The following DIP2B variants were observed in gnomAD, a reference collection of about 807,000 sequenced individuals.
DIP2B encodes the protein disco-interacting protein 2 homolog B.
In DIP2B, 76 loss-of-function variants were observed where a neutral mutation model predicts 198.0. That is an observed-to-expected ratio of 0.38 (90% CI 0.32 to 0.46). DIP2B has a LOEUF of 0.46. DIP2B is among the 20% of genes least tolerant of loss of function. The pLI is 0.99. For missense variants in DIP2B, 1,559 were observed against 1,978.4 expected (o/e 0.79, Z 4.02); for synonymous variants, 701 against 739.1 (o/e 0.95, Z 0.84).
At position 50,745,490 on chromosome 12, in the gene DIP2B, A is replaced by G. The variant is rs1428900346; in HGVS notation, c.*651A>G. On this transcript the variant is annotated 3_prime_UTR_variant, in exon 38 of 38. Coordinates refer to ENST00000301180, the MANE Select transcript of DIP2B (RefSeq NM_173602.3). ...GTAGAAACATTTCTACTTTGAGAGA[A>G]TTTCAATATTCTCTTAATGTTGTGT... is the stretch of plus-strand genomic sequence containing the variant. 1 of 152,498 alleles carries G rather than the reference A, an allele frequency of 6.6e-6. No individual in the cohort carries two copies. Among genetic ancestry groups the G allele is most frequent in the African/African-American group, 2.4e-5 (1 of 41,468 alleles). The allele number at this position is 152,498 out of a possible 1,614,324, so 9.4% of individuals were successfully genotyped here.
intron 1 of DIP2B, among the ~76,000 whole-genome samples, chr12:50,596,081 C>T (rs1958876275): frequency 6.6e-6 from 1 of 152,214 alleles, no homozygotes; most frequent in East Asian, 1.9e-4. Flanking sequence ...CTGAGAAGTC[C>T]ATGGCTGTAA....
At position 50,708,616 on chromosome 12, in the gene DIP2B, A is replaced by G. The variant is rs1404480286; in HGVS notation, c.2649+54A>G. The G allele has an allele frequency of 5.7e-6, 8 of 1,415,560 alleles. No individual in the cohort carries two copies. The Admixed American group carries it at 9.9e-5, about 17-fold the overall frequency. The allele number at this position is 1,415,560 out of a possible 1,614,324, so 87.7% of individuals were successfully genotyped here. ...TCAGCGGTGGCAGCAACCACTGCCT[A>G]AGCATTTCATTTTCTTCGATCAGCC... On this transcript the variant is annotated intron_variant, in intron 22 of 37. Transcript: ENST00000301180.
At chr12:50,615,411 T>C (rs1462739798) in intron 1 of DIP2B, among the ~76,000 whole-genome samples, 1 of 152,200 alleles carries the variant, frequency 6.6e-6, no homozygotes, top group Non-Finnish European at 1.5e-5. Context: ...ATTTGTATAC[T>C]CCTCTTTGAG....
intron 3 of DIP2B, among the ~76,000 whole-genome samples, chr12:50,645,547 T>C (rs1464015974): frequency 6.6e-6 from 1 of 151,050 alleles, no homozygotes; most frequent in African/African-American, 2.4e-5. Flanking sequence ...AGCTTCTAAC[T>C]CCTGGGTTCA....
At chr12:50,519,744 TA>T (rs1958098652) in intron 1 of DIP2B, among the ~76,000 whole-genome samples, 1 of 152,004 alleles carries the variant, frequency 6.6e-6, no homozygotes, top group Non-Finnish European at 1.5e-5. Context: ...ATGTAAAAAT[TA>T]ATGTATAAAT....
In DIP2B at chr12:50,671,225, G is replaced by T; in HGVS notation, c.467G>T (p.Arg156Leu). The change falls in exon 5 of 38, where the codon CGC (arginine) becomes CTC (leucine). Residue 156 changes from arginine to leucine, a missense_variant. By Grantham distance (102) the Arg-to-Leu change is moderately radical. Coordinates refer to ENST00000301180, the MANE Select transcript of DIP2B (RefSeq NM_173602.3). Reference protein sequence around the residue: ...SASEDEGSLRRQAALSAALQQ... With the variant: ...SASEDEGSLRLQAALSAALQQ... ...TCTGAGGATGAGGGCTCTCTGAGAC[G>T]CCAAGCTGCGCTCTCTGCTGCCTTG... 2.5e-6 allele frequency: 4 copies of T among 1,614,108 alleles called. No homozygotes were observed. Among genetic ancestry groups the T allele is most frequent in the Non-Finnish European group, 3.4e-6 (4 of 1,180,020 alleles).
At chr12:50,639,436 A>G (rs1160049574) in intron 2 of DIP2B, among the ~76,000 whole-genome samples, 8 of 151,628 alleles carry the variant, frequency 5.3e-5, no homozygotes, top group Non-Finnish European at 8.8e-5. Context: ...GCCTCAACAC[A>G]TGGCCTTTCC....
chr12:50,664,391 T>A (rs548925578), intron 4 of DIP2B, among the ~76,000 whole-genome samples: 6 of 152,344 alleles, frequency 3.9e-5, no homozygotes, highest in African/African-American at 9.6e-5. Flanking sequence ...AAAATTTAAA[T>A]TCTCTAAATT....
At chr12:50,524,293 A>G (rs2139355822) in intron 1 of DIP2B, among the ~76,000 whole-genome samples, 2 of 152,258 alleles carry the variant, frequency 1.3e-5, no homozygotes, top group African/African-American at 4.8e-5. Context: ...CATTTTCCAC[A>G]TAGCAGGTAG....
At chr12:50,603,206 A>C (rs1958953723) in intron 1 of DIP2B, among the ~76,000 whole-genome samples, 2 of 151,912 alleles carry the variant, frequency 1.3e-5, no homozygotes, top group African/African-American at 4.8e-5. Context: ...ATTCACACAT[A>C]ACTATTTTTT....
chr12:50,615,392 G>C (rs1371371094), intron 1 of DIP2B, among the ~76,000 whole-genome samples: 2 of 151,820 alleles, frequency 1.3e-5, no homozygotes, highest in Non-Finnish European at 2.9e-5. Flanking sequence ...GCTCATTTCT[G>C]GTTTAGATAT....
At chr12:50,599,615 CAAAA>C (rs551333252) in intron 1 of DIP2B, among the ~76,000 whole-genome samples, 275 of 150,804 alleles carry the variant, frequency 1.8e-3, no homozygotes, top group Non-Finnish European at 3.4e-3. Flanking sequence ...GACTCAGTCT[CAAAA>C]AAACAAAAAA....
chr12:50,714,369 G>A, intron 22 of DIP2B, 26 bp from the exon 23 acceptor site: 3 of 1,613,310 alleles, frequency 1.9e-6, no homozygotes, highest in Non-Finnish European at 2.5e-6. Flanking sequence ...TGATCTCACT[G>A]AGTATTTTTG....
At chr12:50,656,911 T>C (rs1593692519) in intron 3 of DIP2B, 1 of 152,084 alleles carries the variant, frequency 6.6e-6, no homozygotes, top group African/African-American at 2.4e-5. Flanking sequence ...CTAATAAATA[T>C]GGAAGAAATG....
intron 1 of DIP2B, among the ~76,000 whole-genome samples, chr12:50,552,791 T>A (rs1958437992): frequency 6.6e-6 from 1 of 152,140 alleles, no homozygotes; most frequent in Non-Finnish European, 1.5e-5. Context: ...AGTTCTTTTT[T>A]AAACGTTTTT....
chr12:50,714,646 G>C (rs770996988), intron 23 of DIP2B, 50 bp downstream of exon 23: 9 of 1,602,048 alleles, frequency 5.6e-6, no homozygotes, highest in African/African-American at 1.3e-5. Flanking sequence ...ACTTCAAGAA[G>C]CTGGGTTCTC....
rs1940146822 is a variant in DIP2B, at chr12:50,736,853, T to G, written c.4102-183T>G. ...TTCGTCTTCAATGAACTGAGGAAGG[T>G]TCAGTGAGAGCAAGACACAAGGTCT... On this transcript the variant is annotated intron_variant, in intron 34 of 37. Coordinates refer to ENST00000301180, the MANE Select transcript of DIP2B (RefSeq NM_173602.3). Among the ~76,000 whole-genome samples, 4 of 152,270 alleles carry G rather than the reference T, an allele frequency of 2.6e-5. No homozygotes were observed. The South Asian group carries it at 8.3e-4, about 32-fold the overall frequency.
chr12:50,518,913 TA>T (rs1958090609), intron 1 of DIP2B, among the ~76,000 whole-genome samples: 1 of 152,124 alleles, frequency 6.6e-6, no homozygotes, highest in East Asian at 1.9e-4. Context: ...GCTAATTTTT[TA>T]TTTTTTGTAG....
chr12:50,604,108 A>T (rs928924112), intron 1 of DIP2B, among the ~76,000 whole-genome samples: 1 of 147,244 alleles, frequency 6.8e-6, no homozygotes, highest in African/African-American at 2.5e-5. Context: ...ACACTGTGCT[A>T]TATACAGAAT....
Sources: allele counts gnomAD v4.1 joint callset (sites outside exome capture counted in the v4.1 genomes callset), GRCh38; gene constraint gnomAD v4.1.1; transcripts MANE v1.5; gene names NCBI Gene and HGNC (gene_info 2026-07-23, HGNC 2026-07-21).